Variants in TNN observed in about 807,000 individuals in gnomAD.
TNN encodes tenascin-N.
Under a neutral mutation model 134.4 loss-of-function variants are expected in TNN, and 122 were observed. The ratio of observed to expected loss-of-function variants is 0.91; its 90% CI spans 0.78 to 1.06. The LOEUF (loss-of-function observed/expected upper bound fraction) is 1.06. Ranked by LOEUF, TNN falls within the 50% of genes least tolerant of loss-of-function variation. TNN has a pLI of 0.00. For missense variants in TNN, 1,739 were observed against 1,699.4 expected (o/e 1.02, Z -0.41); for synonymous variants, 710 against 670.3 (o/e 1.06, Z -0.91).
In TNN at chr1:175,136,898, G is replaced by A; in HGVS notation, c.3505G>A (p.Glu1169Lys). 1 of 1,614,214 alleles carries A rather than the reference G, an allele frequency of 6.2e-7. No individual in the cohort carries two copies. ...EVRVDLQTAN[E>K]SAYAIYDFFQ... ...GAGAGTGGATTTACAGACTGCCAAT[G>A]AATCTGCCTATGCTATATATGATTT... is the stretch of plus-strand genomic sequence containing the variant. Residue 1169 changes from glutamate to lysine, a missense_variant, in exon 17 of 19, where the codon GAA (glutamate) becomes AAA (lysine). Coordinates refer to ENST00000239462, the MANE Select transcript of TNN (RefSeq NM_022093.2).
chr1:175,069,059 G>A (rs1354348384), intron 1 of TNN, among the ~76,000 whole-genome samples: 2 of 152,136 alleles, frequency 1.3e-5, no homozygotes, highest in Non-Finnish European at 2.9e-5. Context: ...TCACTTAAAA[G>A]CATGAAACCT....
intron 6 of TNN, among the ~76,000 whole-genome samples, chr1:175,087,061 A>T (rs1292840537): frequency 2.0e-5 from 3 of 152,252 alleles, no homozygotes; most frequent in African/African-American, 4.8e-5. Flanking sequence ...ATTTGAACCC[A>T]GGATACCCAA....
At chr1:175,100,313 C>A (rs1275484377) in intron 9 of TNN, among the ~76,000 whole-genome samples, 1 of 152,204 alleles carries the variant, frequency 6.6e-6, no homozygotes, top group African/African-American at 2.4e-5. Context: ...CCAAAAGTGT[C>A]TCCAGACATT....
At chr1:175,107,785 G>A (rs1289837168) in intron 9 of TNN, among the ~76,000 whole-genome samples, 2 of 138,520 alleles carry the variant, frequency 1.4e-5, no homozygotes, top group Admixed American at 1.5e-4. Context: ...TAGATACAAA[G>A]GTTCTCCACG....
chr1:175,123,370 G>T, intron 11 of TNN, 30 bp from the exon 12 acceptor site: 4 of 1,611,868 alleles, frequency 2.5e-6, no homozygotes, highest in East Asian at 2.2e-5. Context: ...TTGTTCTAAA[G>T]TTCAGCCTTT....
At chr1:175,134,544 C>CAAAAAA (rs33947435) in intron 15 of TNN, among the ~76,000 whole-genome samples, 1 of 146,872 alleles carries the variant, frequency 6.8e-6, no homozygotes, top group Admixed American at 6.7e-5. Context: ...GACTCCATCT[C>CAAAAAA]AAAAAACAAA....
chr1:175,127,956 A>T (rs1675572535), intron 13 of TNN, 76 bp from the exon 14 acceptor site: 1 of 1,539,852 alleles, frequency 6.5e-7, no homozygotes. Flanking sequence ...AGCACCAGGG[A>T]ACGCTGTTGA....
At chr1:175,090,192 G>A (rs1321197604) in intron 6 of TNN, among the ~76,000 whole-genome samples, 2 of 152,210 alleles carry the variant, frequency 1.3e-5, no homozygotes, top group African/African-American at 2.4e-5. Context: ...CTAGTGAACA[G>A]CTAGCTGGTA....
At chr1:175,091,478 A>G (rs1674443180) in intron 6 of TNN, among the ~76,000 whole-genome samples, 1 of 152,198 alleles carries the variant, frequency 6.6e-6, no homozygotes, top group Non-Finnish European at 1.5e-5. Context: ...GAAAGGAGCT[A>G]CAGAGCTGGC....
At position 175,080,308 on chromosome 1, in the gene TNN, C is replaced by G. The variant is rs766181471; in HGVS notation, c.930C>G (p.Pro310=). ...KELSGKQIQV[P]KEQHSYEILG... ...TCTCTGGGAAGCAGATCCAAGTGCC[C>G]AAGGAGCAGCACAGCTATGAGATTC... The change falls in exon 4 of 19, where the codon CCC becomes CCG. Residue 310 remains proline (P), a synonymous_variant. Coordinates refer to ENST00000239462, the MANE Select transcript of TNN (RefSeq NM_022093.2). 2 of 1,614,072 alleles carry G rather than the reference C, an allele frequency of 1.2e-6. No individual in the cohort carries two copies. Among genetic ancestry groups the G allele is most frequent in the South Asian group, 2.2e-5 (2 of 91,072 alleles).
Position 175,097,583 on chromosome 1 carries a change from T to A in TNN, c.1755T>A (p.Thr585=), listed in dbSNP as rs554522420. The stretch of plus-strand genomic sequence containing the variant: ...TGGTGGGGAAGGAGCAGAGCAGCAC[T>A]GTCCTGACAGGCCTGAGGCCAGGTG... The part of the protein sequence containing the change: ...EVLVGKEQSS[T]VLTGLRPGVE... Residue 585 remains threonine (T), a synonymous_variant, in exon 8 of 19, where the codon ACT becomes ACA. Coordinates refer to ENST00000239462, the MANE Select transcript of TNN (RefSeq NM_022093.2). 31 of 1,614,148 alleles carry A rather than the reference T, an allele frequency of 1.9e-5. 1 individual carries two copies. In the Admixed American group the frequency reaches 2.7e-4, roughly 14 times the overall value.
In TNN at chr1:175,092,798, G is replaced by A. The variant is rs149289326; in HGVS notation, c.1325-1192G>A. On this transcript the variant is annotated intron_variant, in intron 6 of 18. Transcript: ENST00000239462. Reference sequence around the variant, plus strand: ...GCCACTCCATTTTGCAAATTACTTGGGCCCCAAGCCAACAAATCATTCATT... The same window carrying A: ...GCCACTCCATTTTGCAAATTACTTGAGCCCCAAGCCAACAAATCATTCATT... Among the ~76,000 whole-genome samples the A allele has an allele frequency of 6.3e-3, 952 of 152,084 alleles. 12 individuals are homozygous for A. Among genetic ancestry groups the A allele is most frequent in the African/African-American group, 0.022 (905 of 41,498 alleles).
At position 175,105,166 on chromosome 1, in the gene TNN, GA is replaced by G. The variant is rs1674817433; in HGVS notation, c.2119+6572del. On this transcript the variant is annotated intron_variant, in intron 9 of 18. Coordinates refer to ENST00000239462, the MANE Select transcript of TNN (RefSeq NM_022093.2). The stretch of plus-strand genomic sequence containing the variant: ...CCAGGGTTTGATCTAACAGTAGCAT[GA>G]CGTCTCTCCAAGTGAGGTCAAAGGT... Among the ~76,000 whole-genome samples the G allele has an allele frequency of 1.4e-5, 2 of 146,124 alleles. 1 individual carries two copies. The highest frequency in any genetic ancestry group is 4.9e-5 in the African/African-American group (2 of 40,564).
chr1:175,126,681 C>T (rs569721883), intron 12 of TNN, among the ~76,000 whole-genome samples: 14 of 152,250 alleles, frequency 9.2e-5, no homozygotes, highest in African/African-American at 1.2e-4. Flanking sequence ...ATATCCACCA[C>T]TTTGTGGGAA....
chr1:175,128,832 T>A, intron 15 of TNN, 86 bp downstream of exon 15: 5 of 1,364,010 alleles, frequency 3.7e-6, no homozygotes, highest in Non-Finnish European at 3.9e-6. Flanking sequence ...CATAGAGTGT[T>A]TGGAGCCCTA....
At chr1:175,074,883 G>T (rs1182079095) in intron 1 of TNN, among the ~76,000 whole-genome samples, 1 of 152,234 alleles carries the variant, frequency 6.6e-6, no homozygotes, top group African/African-American at 2.4e-5. Flanking sequence ...GCAAGCATAG[G>T]CTTGCAATCA....
chr1:175,145,552 C>CAAAAAAAAAAAAAAAAAAAAAAA (rs3028580), intron 18 of TNN, among the ~76,000 whole-genome samples: 2 of 28,912 alleles, frequency 6.9e-5, no homozygotes, highest in Non-Finnish European at 1.2e-4. Flanking sequence ...GACCCTGTCT[C>CAAAAAAAAAAAAAAAAAAAAAAA]AAAAAAAAAA....
chr1:175,092,161 G>C (rs1674466401), intron 6 of TNN, among the ~76,000 whole-genome samples: 1 of 152,220 alleles, frequency 6.6e-6, no homozygotes, highest in South Asian at 2.1e-4. Context: ...TCCCCAGATT[G>C]AGATATTGGT....
At chr1:175,105,219 T>C (rs888044618) in intron 9 of TNN, among the ~76,000 whole-genome samples, 1 of 146,124 alleles carries the variant, frequency 6.8e-6, no homozygotes, top group Non-Finnish European at 1.5e-5. Flanking sequence ...AGGACATCTA[T>C]GTACCTATCA....
Sources: gnomAD v4.1 joint callset for allele counts (sites outside exome capture counted in the v4.1 genomes callset) on GRCh38, gnomAD v4.1.1 for gene constraint, MANE v1.5 for transcripts, NCBI Gene and HGNC (gene_info 2026-07-23, HGNC 2026-07-21) for gene names.